The following DCLK2 variants were observed in gnomAD, a reference collection of about 807,000 sequenced individuals.
DCLK2 encodes the protein serine/threonine-protein kinase DCLK2.
A neutral mutation model predicts 78.4 loss-of-function variants in DCLK2; 31 were observed. The ratio of observed to expected loss-of-function variants is 0.40; its 90% confidence interval spans 0.30 to 0.53. The LOEUF is 0.53. DCLK2 is among the 20% of genes least tolerant of loss of function. The pLI, the probability that DCLK2 is intolerant of heterozygous loss-of-function variation, is 0.61. For missense variants in DCLK2, 872 were observed against 973.7 expected (o/e 0.90, Z 1.39); for synonymous variants, 407 against 374.9 (o/e 1.09, Z -0.99).
intron 2 of DCLK2, among the ~76,000 whole-genome samples, chr4:150,115,039 C>T (rs768216587): frequency 1.7e-4 from 26 of 152,268 alleles, no homozygotes; most frequent in Middle Eastern, 6.8e-3. Flanking sequence ...TTAAGTTTGG[C>T]CATTTTATAT....
intron 2 of DCLK2, among the ~76,000 whole-genome samples, chr4:150,165,517 A>G (rs1735998430): frequency 6.6e-6 from 1 of 152,256 alleles, no homozygotes. Flanking sequence ...AAGCAGCTGC[A>G]TGCTGCATAT....
intron 11 of DCLK2, 73 bp from the exon 12 acceptor site, chr4:150,240,326 G>A (rs1742821490): frequency 2.5e-6 from 3 of 1,213,090 alleles, no homozygotes; most frequent in Non-Finnish European, 3.6e-6. Context: ...ACAAATAAAG[G>A]CAATACTCCA....
At chr4:150,176,411 A>C (rs2150273055) in intron 2 of DCLK2, among the ~76,000 whole-genome samples, 1 of 152,292 alleles carries the variant, frequency 6.6e-6, no homozygotes, top group Non-Finnish European at 1.5e-5. Context: ...CTGCAAGCTC[A>C]TGGTGACCTA....
At chr4:150,255,986 G>C (rs373711037) in intron 15 of DCLK2, 34 bp from the exon 16 acceptor site, 3 of 1,604,028 alleles carry the variant, frequency 1.9e-6, no homozygotes, top group Non-Finnish European at 2.6e-6. Flanking sequence ...GCCTGGGCCC[G>C]GGTAATGTGT....
chr4:150,250,551 A>G (rs981405262), intron 15 of DCLK2, among the ~76,000 whole-genome samples: 52 of 151,956 alleles, frequency 3.4e-4, no homozygotes, highest in Non-Finnish European at 5.7e-4. Flanking sequence ...GGCCTTTCCC[A>G]GAGCTGGAGT....
Position 150,081,011 on chromosome 4 carries a change from C to G in DCLK2, c.421+1563C>G, listed in dbSNP as rs549892098. On this transcript the variant is annotated intron_variant, in intron 1 of 15. Transcript: ENST00000296550. ...TGTTGCTTTTCTTAATCATGTTAAACACTTAAAAGCAATATTTGCCTAGCT... is the reference window on the plus strand; with the variant it reads ...TGTTGCTTTTCTTAATCATGTTAAAGACTTAAAAGCAATATTTGCCTAGCT... Among the ~76,000 whole-genome samples the G allele has an allele frequency of 8.5e-5, 13 of 152,288 alleles. No homozygotes were observed. In the South Asian group the frequency reaches 2.1e-3, roughly 24 times the overall value.
intron 2 of DCLK2, among the ~76,000 whole-genome samples, chr4:150,179,287 C>T (rs893077951): frequency 6.6e-6 from 1 of 152,144 alleles, no homozygotes; most frequent in Admixed American, 6.5e-5. Context: ...CTCGGCCTCC[C>T]AAAGTGATGA....
At chr4:150,243,865 CTTTTTT>C (rs200972178) in intron 12 of DCLK2, among the ~76,000 whole-genome samples, 2 of 135,550 alleles carry the variant, frequency 1.5e-5, no homozygotes. Context: ...CCATGCCCAG[CTTTTTT>C]TTTTTTTTTT....
intron 2 of DCLK2, among the ~76,000 whole-genome samples, chr4:150,168,544 G>T (rs1736275081): frequency 6.6e-6 from 1 of 152,120 alleles, no homozygotes; most frequent in South Asian, 2.1e-4. Flanking sequence ...TTTCTTCTGA[G>T]GAGGTAAGAA....
chr4:150,135,320 TACTC>T (rs1733617486), intron 2 of DCLK2, among the ~76,000 whole-genome samples: 1 of 152,228 alleles, frequency 6.6e-6, no homozygotes, highest in African/African-American at 2.4e-5. Flanking sequence ...TTTCTCATAT[TACTC>T]AGCCACAGAA....
intron 2 of DCLK2, among the ~76,000 whole-genome samples, chr4:150,155,223 C>G (rs1735184896): frequency 6.6e-6 from 1 of 152,148 alleles, no homozygotes; most frequent in East Asian, 1.9e-4. Flanking sequence ...AGAACAAGAC[C>G]TTGTCTCCAA....
intron 2 of DCLK2, among the ~76,000 whole-genome samples, chr4:150,130,274 A>C (rs1733209529): frequency 6.8e-6 from 1 of 148,116 alleles, no homozygotes; most frequent in African/African-American, 2.6e-5. Flanking sequence ...TCTAAAACAC[A>C]TAATGAGAGA....
intron 3 of DCLK2, among the ~76,000 whole-genome samples, chr4:150,196,054 G>A (rs1179762548): frequency 1.3e-5 from 2 of 151,982 alleles, no homozygotes; most frequent in East Asian, 3.9e-4. Context: ...ACGTTTATTA[G>A]GAGGCAAATT....
Position 150,157,485 on chromosome 4 carries a change from G to T in DCLK2, c.757-35653G>T, listed in dbSNP as rs541932268. Among the ~76,000 whole-genome samples, 18 of 130,580 alleles carry T rather than the reference G, an allele frequency of 1.4e-4. No homozygotes were observed. The South Asian group carries it at 4.9e-3, about 35-fold the overall frequency. 85.7% of individuals were successfully genotyped at this position (130,580 alleles called of 152,430 possible). On this transcript the variant is annotated intron_variant, in intron 2 of 15. Coordinates refer to ENST00000296550, the MANE Select transcript of DCLK2 (RefSeq NM_001040260.4). ...AAATTTTGTATTTTTTGTAGAGATGGTTTTTTTGTTTGTTTGTTTGTTTGT... is the reference window on the plus strand; with the variant it reads ...AAATTTTGTATTTTTTGTAGAGATGTTTTTTTTGTTTGTTTGTTTGTTTGT...
At chr4:150,141,507 C>T (rs890805392) in intron 2 of DCLK2, among the ~76,000 whole-genome samples, 1 of 152,120 alleles carries the variant, frequency 6.6e-6, no homozygotes, top group African/African-American at 2.4e-5. Flanking sequence ...TCCAAAGGCA[C>T]CTGGTGGGTA....
rs1264944568 is a variant in DCLK2 at position 150,249,667 on chromosome 4, G to A, written c.2056G>A (p.Gly686Arg). 2 of 1,613,282 alleles carry A rather than the reference G, an allele frequency of 1.2e-6. No individual in the cohort carries two copies. The highest frequency in any genetic ancestry group is 1.7e-6 in the Non-Finnish European group (2 of 1,179,832). ...ALPKQNSTTT[G>R]VSVIMNTALD... ...CCCCAAACAGAACAGCACTACCACC[G>A]GGGTCTCCGTCATCATGGTGAGTGG... is the stretch of plus-strand genomic sequence containing the variant. Residue 686 changes from glycine to arginine, a missense_variant, in exon 15 of 16, where the codon GGG (glycine) becomes AGG (arginine). Gly to Arg is a moderately radical substitution (Grantham distance 125). This residue lies in a region of DCLK2 where 219 missense variants were observed against 230.1 expected (regional missense o/e 0.95). Coordinates refer to ENST00000296550, the MANE Select transcript of DCLK2 (RefSeq NM_001040260.4).
intron 2 of DCLK2, among the ~76,000 whole-genome samples, chr4:150,104,394 T>TAAA (rs34276664): frequency 1.0e-4 from 3 of 29,762 alleles, no homozygotes; most frequent in East Asian, 1.5e-3. Flanking sequence ...CCACATCTCC[T>TAAA]AAAAAAAAAA....
intron 2 of DCLK2, among the ~76,000 whole-genome samples, chr4:150,174,203 C>A (rs1026677808): frequency 1.3e-5 from 2 of 152,140 alleles, no homozygotes; most frequent in Non-Finnish European, 2.9e-5. Context: ...ATCCTTTCTG[C>A]CCTCTTTGAT....
chr4:150,250,604 C>T (rs946416898), intron 15 of DCLK2, among the ~76,000 whole-genome samples: 9 of 151,940 alleles, frequency 5.9e-5, no homozygotes, highest in Middle Eastern at 3.4e-3. Flanking sequence ...AGGTGATGGG[C>T]GTCTGAGTTT....
Sources: allele counts gnomAD v4.1 joint callset (sites outside exome capture counted in the v4.1 genomes callset), GRCh38; gene constraint gnomAD v4.1.1; regional missense constraint gnomAD v4.1.1; transcripts MANE v1.5; gene names NCBI Gene and HGNC (gene_info 2026-07-23, HGNC 2026-07-21).